Variants in THOP1 observed in about 807,000 individuals in gnomAD.
The protein encoded by THOP1 is thimet oligopeptidase 1.
In THOP1, 49 loss-of-function variants were observed where a neutral mutation model predicts 71.8. The observed-to-expected ratio is 0.68, with a 90% CI of 0.54 to 0.87. The LOEUF is 0.87. Ranked by LOEUF, THOP1 falls within the 40% of genes least tolerant of loss-of-function variation. The pLI is 0.00. For missense variants in THOP1, 843 were observed against 975.6 expected (o/e 0.86, Z 1.81); for synonymous variants, 426 against 421.5 (o/e 1.01, Z -0.13).
chr19:2,788,210 C>T (rs1383987524), intron 1 of THOP1, among the ~76,000 whole-genome samples: 3 of 152,222 alleles, frequency 2.0e-5, no homozygotes, highest in East Asian at 3.8e-4. Context: ...TCCCGTTTTG[C>T]AGGTGGGAAG....
At chr19:2,807,867 G>A (rs968097060) in intron 8 of THOP1, 59 bp downstream of exon 8, 272 of 1,415,030 alleles carry the variant, frequency 1.9e-4, no homozygotes, top group Non-Finnish European at 2.3e-4. Flanking sequence ...CTCGGAGCCC[G>A]GTGTGCCCGT....
Position 2,808,256 on chromosome 19 carries a change from G to A in THOP1, c.1267G>A (p.Gly423Arg), listed in dbSNP as rs981153307. The A allele has an allele frequency of 3.9e-6, 6 of 1,548,766 alleles. No homozygotes were observed. The highest frequency in any genetic ancestry group is 2.4e-5 in the South Asian group (2 of 84,360). ...LDLYPREGKY[G>R]HAACFGLQPG... ...CTCCCTCCCCAGGGAAGGAAAGTACGGGCACGCGGCCTGCTTTGGCCTGCA... is the reference window on the plus strand; with the variant it reads ...CTCCCTCCCCAGGGAAGGAAAGTACAGGCACGCGGCCTGCTTTGGCCTGCA... Residue 423 changes from glycine (G) to arginine (R), a missense_variant, in exon 9 of 13, where the codon GGG becomes AGG. Transcript: ENST00000307741.
chr19:2,785,615 G>T lies in THOP1; in HGVS notation c.-48G>T. The T allele has an allele frequency of 6.7e-7, 1 of 1,500,844 alleles. No homozygotes were observed. Among genetic ancestry groups the T allele is most frequent in the Non-Finnish European group, 8.9e-7 (1 of 1,126,450 alleles). 93.0% of individuals were successfully genotyped at this position (1,500,844 alleles called of 1,614,324 possible). ...CTCAGTGGCCGAGGTGGCTGGACGC[G>T]TAGCAGGTGGAAGGAGGGAGGGAGC... On this transcript the variant is annotated 5_prime_UTR_variant, in exon 1 of 13. Coordinates refer to ENST00000307741, the MANE Select transcript of THOP1 (RefSeq NM_003249.5).
intron 2 of THOP1, among the ~76,000 whole-genome samples, chr19:2,791,823 G>C (rs1204456446): frequency 6.6e-6 from 1 of 152,146 alleles, no homozygotes; most frequent in Non-Finnish European, 1.5e-5. Flanking sequence ...CGGCCCCAGT[G>C]CTCCCCTCGG....
chr19:2,813,408 C>T lies in THOP1; in HGVS notation c.*132C>T. 1 of 1,179,650 alleles carries T rather than the reference C, an allele frequency of 8.5e-7. No individual in the cohort carries two copies. The highest frequency in any genetic ancestry group is 1.2e-6 in the Non-Finnish European group (1 of 866,508). The allele number at this position is 1,179,650 out of a possible 1,614,324, so 73.1% of individuals were successfully genotyped here. ...GGGTGGCTGAGCGGCTGTCTTGCCT[C>T]TTGTCATTGTCTGTCCCCACCCGGT... On this transcript the variant is annotated 3_prime_UTR_variant, in exon 13 of 13. Coordinates refer to ENST00000307741, the MANE Select transcript of THOP1 (RefSeq NM_003249.5).
intron 4 of THOP1, among the ~76,000 whole-genome samples, chr19:2,798,889 G>T (rs1265011119): frequency 6.6e-6 from 1 of 152,224 alleles, no homozygotes; most frequent in African/African-American, 2.4e-5. Flanking sequence ...CTCAAGCCAG[G>T]TCCTTGTCAC....
At chr19:2,803,487 A>T (rs1206739251) in intron 5 of THOP1, among the ~76,000 whole-genome samples, 1 of 152,208 alleles carries the variant, frequency 6.6e-6, no homozygotes, top group South Asian at 2.1e-4. Flanking sequence ...CTAAAAAAAT[A>T]AAAACTTCCA....
intron 4 of THOP1, among the ~76,000 whole-genome samples, chr19:2,799,050 A>G (rs746869373): frequency 6.6e-6 from 1 of 152,208 alleles, no homozygotes; most frequent in Admixed American, 6.5e-5. Flanking sequence ...AAGCTGCCAG[A>G]CACGGTGACT....
chr19:2,805,119 C>T lies in THOP1; in HGVS notation c.693C>T (p.Cys231=). The change falls in exon 6 of 13, where the codon TGC becomes TGT. Residue 231 remains cysteine (C), a synonymous_variant. Coordinates refer to ENST00000307741, the MANE Select transcript of THOP1 (RefSeq NM_003249.5). The surrounding 1 kb of genome is among the most constrained non-coding windows in gnomAD (Gnocchi z 6.6). ...ATTACTTCCCCCTCCTGAAGAAATG[C>T]CACGTGCCTGAGACCAGGAGGAAAG... The part of the protein sequence containing the change: ...YPHYFPLLKK[C]HVPETRRKVE... The T allele has an allele frequency of 6.2e-7, 1 of 1,612,652 alleles. No individual in the cohort carries two copies. The highest frequency in any genetic ancestry group is 8.5e-7 in the Non-Finnish European group (1 of 1,179,752).
Position 2,794,788 on chromosome 19 carries a change from C to A in THOP1, c.254C>A (p.Pro85His). Reference protein sequence around the residue: ...YTVQRNILDFPQHVSPSKDIR... With the variant: ...YTVQRNILDFHQHVSPSKDIR... ...GTTCAGAGGAATATCCTTGACTTCC[C>A]CCAGCATGTTTCCCCCTCCAAGGAC... The change falls in exon 3 of 13, where the codon CCC becomes CAC. Residue 85 changes from proline (P) to histidine (H), a missense_variant. By Grantham distance (77) the Pro-to-His change is moderately conservative. Coordinates refer to ENST00000307741, the MANE Select transcript of THOP1 (RefSeq NM_003249.5). 6.2e-7 allele frequency: 1 copy of A among 1,613,822 alleles called. No homozygotes were observed. The highest frequency in any genetic ancestry group is 1.1e-5 in the South Asian group (1 of 91,074).
chr19:2,810,255 C>T (rs1185014150), intron 9 of THOP1, 49 bp from the exon 10 acceptor site: 13 of 1,583,246 alleles, frequency 8.2e-6, no homozygotes, highest in Admixed American at 3.5e-5. Flanking sequence ...CCGGCGGGAA[C>T]GGGCTAGGCA....
intron 8 of THOP1, 86 bp from the exon 9 acceptor site, chr19:2,808,157 C>A: frequency 7.0e-7 from 1 of 1,429,262 alleles, no homozygotes; most frequent in Non-Finnish European, 9.6e-7. Context: ...TCTGGGTTAG[C>A]AGTCAGGTGG....
Position 2,794,929 on chromosome 19 carries a change from G to A in THOP1, c.378+17G>A. On this transcript the variant is annotated intron_variant, in intron 3 of 12. Transcript: ENST00000307741. The stretch of plus-strand genomic sequence containing the variant: ...TGGCTCCAGGTGAGGGGGCCCTGCG[G>A]GGAGTGCAAATAGCCTCCCAAGTAA... 6.2e-7 allele frequency: 1 copy of A among 1,600,612 alleles called. No individual in the cohort carries two copies. The highest frequency in any genetic ancestry group is 8.6e-7 in the Non-Finnish European group (1 of 1,168,934).
intron 12 of THOP1, chr19:2,812,395 G>T: frequency 6.7e-7 from 1 of 1,494,026 alleles, no homozygotes; most frequent in Non-Finnish European, 8.9e-7. Context: ...CACCAAGCAG[G>T]CACTCAGCTG....
rs1274705244 is a variant in THOP1 at position 2,812,516 on chromosome 19, G to C, written c.1909-599G>C. 4 of 1,009,416 alleles carry C rather than the reference G, an allele frequency of 4.0e-6. No individual in the cohort carries two copies. In the African/African-American group the frequency reaches 6.7e-5, roughly 17 times the overall value. The allele number at this position is 1,009,416 out of a possible 1,614,324, so 62.5% of individuals were successfully genotyped here. The stretch of plus-strand genomic sequence containing the variant: ...CCCCCTCCTGAGGCAGCCTCCAGCA[G>C]CTCCCCCTGCTGCTGAGGTGAGGGG... On this transcript the variant is annotated intron_variant, in intron 12 of 12. Coordinates refer to ENST00000307741, the MANE Select transcript of THOP1 (RefSeq NM_003249.5).
chr19:2,794,661 G>A (rs548378801), intron 2 of THOP1, 103 bp from the exon 3 acceptor site: 78 of 1,405,046 alleles, frequency 5.6e-5, no homozygotes, highest in East Asian at 4.2e-4. Context: ...GAGAGTTCAC[G>A]GGGGGATTCA....
At chr19:2,812,036 C>T in intron 12 of THOP1, 2 of 1,073,612 alleles carry the variant, frequency 1.9e-6, no homozygotes, top group Non-Finnish European at 2.6e-6. Flanking sequence ...GGAAGCTCCA[C>T]ACTGGCCCCT....
intron 10 of THOP1, 53 bp from the exon 11 acceptor site, chr19:2,810,587 A>G (rs772984729): frequency 1.2e-5 from 18 of 1,533,576 alleles, no homozygotes; most frequent in Non-Finnish European, 1.6e-5. Context: ...AGCTCTGGGC[A>G]GAGTGGGCCG....
chr19:2,791,971 G>A (rs927107262), intron 2 of THOP1, among the ~76,000 whole-genome samples: 7 of 152,090 alleles, frequency 4.6e-5, no homozygotes, highest in East Asian at 1.9e-4. Context: ...CCGGCCCCTC[G>A]CGCCCCTCGC....
Sources: allele counts gnomAD v4.1 joint callset (sites outside exome capture counted in the v4.1 genomes callset), GRCh38; gene constraint gnomAD v4.1.1; non-coding constraint Gnocchi (gnomAD v3.1); transcripts MANE v1.5; gene names NCBI Gene and HGNC (gene_info 2026-07-23, HGNC 2026-07-21).